Variants in TWSG1 observed in about 807,000 individuals in gnomAD.
TWSG1 encodes the protein twisted gastrulation BMP signaling modulator 1.
Under a neutral mutation model 23.0 loss-of-function variants are expected in TWSG1, and 15 were observed. The observed-to-expected ratio is 0.65, with a 90% CI of 0.44 to 1.00. TWSG1 has a LOEUF of 1.00. Among genes scored for constraint, TWSG1 ranks in the 50% least tolerant of loss-of-function variants. The pLI, the probability that TWSG1 is intolerant of heterozygous loss-of-function variation, is 0.00. For missense variants in TWSG1, 242 were observed against 278.7 expected (o/e 0.87, Z 0.94); for synonymous variants, 86 against 92.8 (o/e 0.93, Z 0.42).
intron 3 of TWSG1, among the ~76,000 whole-genome samples, chr18:9,375,457 CT>C (rs2040625831): frequency 6.6e-6 from 1 of 152,154 alleles, no homozygotes; most frequent in African/African-American, 2.4e-5. Context: ...CTTATCACTG[CT>C]TTTCAACATC....
intron 3 of TWSG1, among the ~76,000 whole-genome samples, chr18:9,369,768 T>A (rs1206163784): frequency 2.0e-5 from 3 of 152,028 alleles, no homozygotes; most frequent in Non-Finnish European, 2.9e-5. Context: ...TGACCTCAAG[T>A]GATCTTCCCA....
At chr18:9,360,367 T>A (rs1219718529) in intron 3 of TWSG1, among the ~76,000 whole-genome samples, 1 of 152,202 alleles carries the variant, frequency 6.6e-6, no homozygotes, top group African/African-American at 2.4e-5. Context: ...GCAGCATTTT[T>A]TTTTTGTTTT....
intron 2 of TWSG1, among the ~76,000 whole-genome samples, chr18:9,357,685 G>A (rs2040533181): frequency 1.3e-5 from 2 of 152,158 alleles, no homozygotes; most frequent in Non-Finnish European, 2.9e-5. Context: ...GGAATGATTT[G>A]AAAGTAGCAC....
chr18:9,354,497 T>G (rs1448950737), intron 2 of TWSG1, among the ~76,000 whole-genome samples: 1 of 152,218 alleles, frequency 6.6e-6, no homozygotes, highest in African/African-American at 2.4e-5. Context: ...AAAGAGAAGA[T>G]TCTAAATTTC....
chr18:9,367,672 T>C (rs2040586336), intron 3 of TWSG1, among the ~76,000 whole-genome samples: 1 of 152,102 alleles, frequency 6.6e-6, no homozygotes, highest in Admixed American at 6.5e-5. Flanking sequence ...TCGAACCCTA[T>C]TGTGAACTGC....
At chr18:9,352,973 G>T (rs376715004) in intron 2 of TWSG1, among the ~76,000 whole-genome samples, 5 of 152,292 alleles carry the variant, frequency 3.3e-5, no homozygotes, top group African/African-American at 9.6e-5. Context: ...ATATATGATG[G>T]TGGTCACATA....
chr18:9,391,863 A>G (rs1183860517), intron 3 of TWSG1, among the ~76,000 whole-genome samples: 1 of 152,234 alleles, frequency 6.6e-6, no homozygotes, highest in African/African-American at 2.4e-5. Flanking sequence ...TCTTCATCAG[A>G]GCTCTTGAGT....
At chr18:9,388,050 C>T (rs1194692123) in intron 3 of TWSG1, 2 of 152,168 alleles carry the variant, frequency 1.3e-5, no homozygotes, top group Admixed American at 1.3e-4. Flanking sequence ...ATTGACCCTC[C>T]TTTCATTTCT....
intron 3 of TWSG1, among the ~76,000 whole-genome samples, chr18:9,364,242 C>G: frequency 6.6e-6 from 1 of 152,124 alleles, no homozygotes; most frequent in East Asian, 1.9e-4. Flanking sequence ...TTGGTCTTTT[C>G]TATTTCCTAT....
intron 3 of TWSG1, among the ~76,000 whole-genome samples, chr18:9,364,371 C>CT (rs1032508271): frequency 2.6e-5 from 4 of 152,154 alleles, no homozygotes; most frequent in Admixed American, 6.5e-5. Flanking sequence ...TTTAGTAATG[C>CT]TAAAATTGAT....
intron 3 of TWSG1, among the ~76,000 whole-genome samples, chr18:9,365,860 A>C (rs2040576241): frequency 6.8e-6 from 1 of 146,274 alleles, no homozygotes; most frequent in African/African-American, 2.5e-5. Context: ...CAAAAAATTG[A>C]CTGGGCATAA....
rs539737166 is a variant in TWSG1 at position 9,392,597 on chromosome 18, T to G, written c.224-3683T>G. Among the ~76,000 whole-genome samples, 7 of 152,350 alleles carry G rather than the reference T, an allele frequency of 4.6e-5. No homozygotes were observed. In the East Asian group the frequency reaches 1.4e-3, roughly 29 times the overall value. On this transcript the variant is annotated intron_variant, in intron 3 of 4. Coordinates refer to ENST00000262120, the MANE Select transcript of TWSG1 (RefSeq NM_020648.6). Reference sequence around the variant, plus strand: ...TTCAGAGTAACACTTTTCATTTCCTTCAAGAACTTTTCCCTTGCATTCCCA... The same window carrying G: ...TTCAGAGTAACACTTTTCATTTCCTGCAAGAACTTTTCCCTTGCATTCCCA...
intron 2 of TWSG1, among the ~76,000 whole-genome samples, chr18:9,355,314 T>C (rs999838369): frequency 1.3e-5 from 2 of 152,166 alleles, no homozygotes; most frequent in African/African-American, 4.8e-5. Flanking sequence ...AATGGGGCAG[T>C]TTTTATGTTT....
rs539674974 is a variant in TWSG1 at position 9,399,672 on chromosome 18, A to G, written c.*145A>G. On this transcript the variant is annotated 3_prime_UTR_variant, in exon 5 of 5. Transcript: ENST00000262120. Reference sequence around the variant, plus strand: ...AATAAGTTTCTTTTAAAAATATGACATAGCCAGTGATGTGTTTAATTATAT... The same window carrying G: ...AATAAGTTTCTTTTAAAAATATGACGTAGCCAGTGATGTGTTTAATTATAT... 1.2e-4 allele frequency: 82 copies of G among 679,412 alleles called. No homozygotes were observed. Among genetic ancestry groups the G allele is most frequent in the Middle Eastern group, 4.1e-4 (1 of 2,468 alleles). 42.1% of individuals were successfully genotyped at this position (679,412 alleles called of 1,614,324 possible).
Position 9,346,304 on chromosome 18 carries a change from C to A in TWSG1, c.123+8952C>A, listed in dbSNP as rs9945647. Among the ~76,000 whole-genome samples the A allele has an allele frequency of 3.9e-3, 592 of 152,238 alleles. 5 individuals are homozygous for A. Among genetic ancestry groups the A allele is most frequent in the African/African-American group, 0.013 (526 of 41,532 alleles). On this transcript the variant is annotated intron_variant, in intron 2 of 4. Coordinates refer to ENST00000262120, the MANE Select transcript of TWSG1 (RefSeq NM_020648.6). ...GTATACATTTAAGTTTCCTTTATGT[C>A]TTTTCATGGCTTGATAATGCATTTA...
chr18:9,386,517 T>C (rs1022437600), intron 3 of TWSG1, among the ~76,000 whole-genome samples: 1 of 140,700 alleles, frequency 7.1e-6, no homozygotes, highest in Admixed American at 7.2e-5. Context: ...TGGAGTGTCA[T>C]AGAATATAGT....
chr18:9,359,335 G>A (rs544233700), intron 2 of TWSG1, among the ~76,000 whole-genome samples: 12 of 152,288 alleles, frequency 7.9e-5, no homozygotes, highest in African/African-American at 2.9e-4. Flanking sequence ...TCTAAACTCA[G>A]AAGTGACATA....
Position 9,396,340 on chromosome 18 carries a change from A to T in TWSG1, c.284A>T (p.Glu95Val), listed in dbSNP as rs754767034. Residue 95 changes from glutamate (E) to valine (V), a missense_variant, in exon 4 of 5, where the codon GAG (glutamate) becomes GTG (valine). Coordinates refer to ENST00000262120, the MANE Select transcript of TWSG1 (RefSeq NM_020648.6). ...TPPTSKSTVE[E>V]LHEPIPSLFR... The stretch of plus-strand genomic sequence containing the variant: ...CCAACTTCAAAGAGCACAGTGGAGG[A>T]GCTGCATGAACCGATCCCTTCTCTC... 3.7e-6 allele frequency: 6 copies of T among 1,614,070 alleles called. No individual in the cohort carries two copies. Among genetic ancestry groups the T allele is most frequent in the Non-Finnish European group, 4.2e-6 (5 of 1,179,972 alleles).
intron 2 of TWSG1, among the ~76,000 whole-genome samples, chr18:9,344,177 G>T (rs1376876675): frequency 6.6e-6 from 1 of 152,082 alleles, no homozygotes; most frequent in Non-Finnish European, 1.5e-5. Context: ...AAGTTCTGGG[G>T]TTACAGGTGT....
Sources: allele counts gnomAD v4.1 joint callset (sites outside exome capture counted in the v4.1 genomes callset), GRCh38; gene constraint gnomAD v4.1.1; transcripts MANE v1.5; gene names NCBI Gene and HGNC (gene_info 2026-07-23, HGNC 2026-07-21).